CCDC77: variants seen among roughly 807,000 people sequenced by gnomAD.
The protein encoded by CCDC77 is coiled-coil domain containing 77, also known as coiled-coil domain-containing protein 77.
CCDC77 carries 56 observed loss-of-function variants against 66.8 expected under a neutral mutation model. The observed-to-expected ratio is 0.84, with a 90% confidence interval of 0.68 to 1.05. The LOEUF is 1.05. CCDC77 is among the 50% of genes least tolerant of loss of function. The pLI is 0.00. For synonymous variants in CCDC77, 196 were observed against 195.2 expected (o/e 1.00, Z -0.03); for missense variants, 570 against 576.8 (o/e 0.99, Z 0.12).
intron 8 of CCDC77, 72 bp from the exon 9 acceptor site, chr12:433,102 G>C (rs757535096): frequency 6.2e-6 from 9 of 1,453,940 alleles, no homozygotes; most frequent in East Asian, 4.6e-5. Context: ...CTGGAGAAAG[G>C]CTCACTTTTC....
At chr12:391,559 C>T (rs573897541) in intron 1 of CCDC77, among the ~76,000 whole-genome samples, 12 of 152,254 alleles carry the variant, frequency 7.9e-5, no homozygotes, top group African/African-American at 2.9e-4. Context: ...ATAAAACAAG[C>T]CACTGATAAT....
Position 395,945 on chromosome 12 carries a change from G to A in CCDC77, c.-113+6459G>A, listed in dbSNP as rs537319300. Among the ~76,000 whole-genome samples, 6 of 152,184 alleles carry A rather than the reference G, an allele frequency of 3.9e-5. No individual in the cohort carries two copies. The East Asian group carries it at 1.2e-3, about 29-fold the overall frequency. ...AAAACAATACAGTAAATCAAGTGCA[G>A]TGGCATGCATCTGTAATCCCAGCTA... On this transcript the variant is annotated intron_variant, in intron 1 of 11. Transcript: ENST00000422000.
At position 430,690 on chromosome 12, in the gene CCDC77, G is replaced by T; in HGVS notation, c.537G>T (p.Gln179His). The T allele has an allele frequency of 6.2e-7, 1 of 1,614,012 alleles. No individual in the cohort carries two copies. Among genetic ancestry groups the T allele is most frequent in the Non-Finnish European group, 8.5e-7 (1 of 1,179,888 alleles). ...TCACCATTCTCCAAAAGACTATCCA[G>T]GCTGTAGGTGAATGTGAGCAGAGTG... ...HKVTILQKTI[Q>H]AVGECEQSES... The change falls in exon 7 of 13, where the codon CAG (glutamine) becomes CAT (histidine). Residue 179 changes from glutamine to histidine, a missense_variant. Physicochemically the swap from Gln to His is conservative, Grantham distance 24. Coordinates refer to ENST00000239830, the MANE Select transcript of CCDC77 (RefSeq NM_032358.4).
upstream of CCDC77, among the ~76,000 whole-genome samples, chr12:398,917 A>T (rs1470894594): frequency 6.6e-6 from 1 of 151,430 alleles, no homozygotes; most frequent in Non-Finnish European, 1.5e-5. Context: ...ACTCCTGGCT[A>T]GTTTTTGTAT....
At chr12:404,538 G>A (rs1376866882) in intron 1 of CCDC77, among the ~76,000 whole-genome samples, 1 of 152,054 alleles carries the variant, frequency 6.6e-6, no homozygotes, top group Non-Finnish European at 1.5e-5. Flanking sequence ...AAGGCCAAGG[G>A]AGGAGGATTG....
At chr12:434,391 C>CA in intron 9 of CCDC77, among the ~76,000 whole-genome samples, 1 of 147,444 alleles carries the variant, frequency 6.8e-6, no homozygotes, top group East Asian at 2.0e-4. Flanking sequence ...CTCACTCTGT[C>CA]GCCCAGGCTG....
upstream of CCDC77, among the ~76,000 whole-genome samples, chr12:401,074 A>AT (rs886832792): frequency 1.3e-5 from 2 of 152,092 alleles, no homozygotes; most frequent in African/African-American, 4.8e-5. Flanking sequence ...ACCATAATGG[A>AT]TTTTGAACTT....
intron 5 of CCDC77, 178 bp downstream of exon 5, chr12:418,814 T>C: frequency 1.6e-6 from 1 of 615,088 alleles, no homozygotes. Context: ...TTCTCATGCC[T>C]CAGCCTCTCG....
intron 5 of CCDC77, among the ~76,000 whole-genome samples, chr12:426,125 A>G (rs1945525108): frequency 6.6e-6 from 1 of 152,170 alleles, no homozygotes; most frequent in African/African-American, 2.4e-5. Context: ...GGCCTCCCAA[A>G]GTGCTGGGAT....
At chr12:434,332 T>C (rs547323401) in intron 9 of CCDC77, among the ~76,000 whole-genome samples, 1 of 151,974 alleles carries the variant, frequency 6.6e-6, no homozygotes, top group African/African-American at 2.4e-5. Context: ...GGGGTCACCA[T>C]TGACCTCTTA....
intron 9 of CCDC77, among the ~76,000 whole-genome samples, chr12:434,753 AATTCATTTCCCTTG>A (rs1157497019): frequency 6.6e-6 from 1 of 152,088 alleles, no homozygotes; most frequent in Non-Finnish European, 1.5e-5. Context: ...CCCTCCTTGT[AATTCATTTCCCTTG>A]ATTTCTGCAG....
chr12:415,352 CATAATA>C (rs754159868), intron 4 of CCDC77, among the ~76,000 whole-genome samples: 1 of 123,216 alleles, frequency 8.1e-6, no homozygotes, highest in Non-Finnish European at 1.7e-5. Context: ...ATATAATCAA[CATAATA>C]TTATGTTAAT....
In CCDC77 at chr12:428,765, G is replaced by C; in HGVS notation, c.414-4G>C. On this transcript the variant is annotated splice_polypyrimidine_tract_variant and splice_region_variant and intron_variant, in intron 5 of 12. Transcript: ENST00000239830. ...TATGTGCTTGCTTTCCATGAGAATT[G>C]CAGGGAGCTAGAAGACAAGAAAAAG... 6.3e-7 allele frequency: 1 copy of C among 1,596,414 alleles called. No individual in the cohort carries two copies. Among genetic ancestry groups the C allele is most frequent in the South Asian group, 1.1e-5 (1 of 89,044 alleles).
At chr12:414,241 A>G (rs1489192938) in intron 4 of CCDC77, among the ~76,000 whole-genome samples, 1 of 151,108 alleles carries the variant, frequency 6.6e-6, no homozygotes, top group African/African-American at 2.5e-5. Context: ...ATAGGTGCCC[A>G]CCACCACACC....
At chr12:404,075 G>A (rs995621684) in intron 1 of CCDC77, among the ~76,000 whole-genome samples, 1 of 152,190 alleles carries the variant, frequency 6.6e-6, no homozygotes, top group African/African-American at 2.4e-5. Flanking sequence ...TCCCAACACT[G>A]GCAGGCAGAG....
upstream of CCDC77, among the ~76,000 whole-genome samples, chr12:400,626 A>G (rs1332293854): frequency 6.6e-6 from 1 of 152,234 alleles, no homozygotes; most frequent in Non-Finnish European, 1.5e-5. Context: ...TCTGTGGAGC[A>G]GTTAAAACAT....
chr12:426,916 GTCTTA>G (rs1945543032), intron 5 of CCDC77, among the ~76,000 whole-genome samples: 1 of 152,098 alleles, frequency 6.6e-6, no homozygotes, highest in African/African-American at 2.4e-5. Context: ...GTGTCGCAGG[GTCTTA>G]CCTTCTAGGA....
At chr12:432,873 C>A (rs1945677537) in intron 8 of CCDC77, among the ~76,000 whole-genome samples, 4 of 152,132 alleles carry the variant, frequency 2.6e-5, no homozygotes, top group Admixed American at 1.3e-4. Context: ...CCCATCTCTA[C>A]AAAAATTAAA....
intron 5 of CCDC77, among the ~76,000 whole-genome samples, chr12:426,388 G>C (rs143054543): frequency 2.6e-5 from 4 of 152,034 alleles, no homozygotes; most frequent in African/African-American, 9.7e-5. Flanking sequence ...ACTGAAATTG[G>C]GACCTACTGG....
Sources: gnomAD v4.1 joint callset for allele counts (sites outside exome capture counted in the v4.1 genomes callset) on GRCh38, gnomAD v4.1.1 for gene constraint, MANE v1.5 for transcripts, NCBI Gene and HGNC (gene_info 2026-07-23, HGNC 2026-07-21) for gene names.